Variants in GRID2 observed in about 807,000 individuals in gnomAD.
GRID2 encodes glutamate ionotropic receptor delta type subunit 2.
Under a neutral mutation model 114.8 loss-of-function variants are expected in GRID2, and 33 were observed. The ratio of observed to expected loss-of-function variants is 0.29; its 90% CI spans 0.22 to 0.38. GRID2 has a LOEUF of 0.38. Ranked by LOEUF, GRID2 falls within the 10% of genes least tolerant of loss-of-function variation. GRID2 has a pLI of 1.00. For synonymous variants in GRID2, 505 were observed against 449.9 expected (o/e 1.12, Z -1.55); for missense variants, 1,184 against 1,257.7 (o/e 0.94, Z 0.89).
At chr4:93,623,050 G>GT (rs1386706872) in intron 13 of GRID2, among the ~76,000 whole-genome samples, 4 of 152,036 alleles carry the variant, frequency 2.6e-5, no homozygotes, top group Admixed American at 1.3e-4. Flanking sequence ...CCTGTCTCAC[G>GT]TTTTTTGAAT....
At chr4:92,370,719 G>A (rs1729079105) in intron 1 of GRID2, among the ~76,000 whole-genome samples, 1 of 152,188 alleles carries the variant, frequency 6.6e-6, no homozygotes, top group South Asian at 2.1e-4. Context: ...TAGTGAGGAA[G>A]GCATATCAAA....
At chr4:92,667,411 A>C (rs1732841801) in intron 2 of GRID2, among the ~76,000 whole-genome samples, 2 of 151,652 alleles carry the variant, frequency 1.3e-5, no homozygotes, top group African/African-American at 4.8e-5. Context: ...CCCATAATAT[A>C]AAATTTAGAC....
chr4:92,918,486 G>A (rs1026754749), intron 2 of GRID2, among the ~76,000 whole-genome samples: 38 of 152,112 alleles, frequency 2.5e-4, no homozygotes, highest in African/African-American at 8.5e-4. Flanking sequence ...TTGGCTGTGG[G>A]TTTGTCATAG....
intron 1 of GRID2, among the ~76,000 whole-genome samples, chr4:92,470,311 G>A (rs1176177114): frequency 6.6e-6 from 1 of 151,538 alleles, no homozygotes; most frequent in African/African-American, 2.4e-5. Context: ...CTTCCAAAGG[G>A]CGTAAAACAT....
intron 1 of GRID2, among the ~76,000 whole-genome samples, chr4:92,500,230 A>G (rs917792185): frequency 6.6e-6 from 1 of 151,964 alleles, no homozygotes; most frequent in Non-Finnish European, 1.5e-5. Flanking sequence ...TGCCAATATC[A>G]GCATTGTTTT....
chr4:92,585,350 TTA>T (rs1386672730), intron 1 of GRID2, among the ~76,000 whole-genome samples: 3 of 152,038 alleles, frequency 2.0e-5, no homozygotes, highest in East Asian at 1.9e-4. Context: ...CATATATAAT[TTA>T]TATGTTAGTC....
At chr4:92,551,258 G>C (rs1415752820) in intron 1 of GRID2, among the ~76,000 whole-genome samples, 4 of 138,042 alleles carry the variant, frequency 2.9e-5, no homozygotes, top group Non-Finnish European at 6.4e-5. Context: ...CTACACCTGT[G>C]TGTGTGTGTG....
intron 2 of GRID2, among the ~76,000 whole-genome samples, chr4:92,743,839 T>C (rs1718886160): frequency 6.6e-6 from 1 of 152,190 alleles, no homozygotes; most frequent in Non-Finnish European, 1.5e-5. Flanking sequence ...TTTAAAAAAG[T>C]CTCAACGAAA....
At chr4:92,999,529 C>T (rs979826344) in intron 2 of GRID2, among the ~76,000 whole-genome samples, 1 of 151,568 alleles carries the variant, frequency 6.6e-6, no homozygotes. Context: ...GTTGCTATAT[C>T]TTATATTTTT....
intron 2 of GRID2, among the ~76,000 whole-genome samples, chr4:92,760,678 C>A (rs192714000): frequency 5.3e-5 from 8 of 152,312 alleles, no homozygotes; most frequent in African/African-American, 1.7e-4. Context: ...GCATTCACAT[C>A]TCTATACAGA....
At chr4:93,377,762 G>A (rs1763503068) in intron 8 of GRID2, among the ~76,000 whole-genome samples, 1 of 151,994 alleles carries the variant, frequency 6.6e-6, no homozygotes, top group Admixed American at 6.6e-5. Context: ...CTCTGGATTA[G>A]AGAACATCTC....
At chr4:92,488,602 G>A (rs1723003538) in intron 1 of GRID2, among the ~76,000 whole-genome samples, 1 of 152,130 alleles carries the variant, frequency 6.6e-6, no homozygotes, top group South Asian at 2.1e-4. Context: ...CACTGCTTCT[G>A]AGGTCAAAAT....
At chr4:92,974,575 A>G (rs1449426852) in intron 2 of GRID2, among the ~76,000 whole-genome samples, 1 of 152,114 alleles carries the variant, frequency 6.6e-6, no homozygotes, top group Non-Finnish European at 1.5e-5. Context: ...TTCTCAGCAA[A>G]CTATCACAAG....
intron 13 of GRID2, among the ~76,000 whole-genome samples, chr4:93,536,480 G>A (rs1045483522): frequency 2.0e-5 from 3 of 151,752 alleles, no homozygotes; most frequent in African/African-American, 7.2e-5. Flanking sequence ...AATAGTGTTA[G>A]GAGAACTGGA....
At chr4:92,390,482 G>T (rs1730187103) in intron 1 of GRID2, among the ~76,000 whole-genome samples, 1 of 152,132 alleles carries the variant, frequency 6.6e-6, no homozygotes, top group African/African-American at 2.4e-5. Flanking sequence ...TTTAGTTCTG[G>T]CCCTGACTGC....
intron 2 of GRID2, among the ~76,000 whole-genome samples, chr4:92,653,225 C>T (rs185282103): frequency 0.012 from 1,848 of 150,230 alleles, 37 homozygotes; most frequent in African/African-American, 0.042. Context: ...GTCTTGAACT[C>T]CTGATCTCGT....
chr4:92,391,874 T>A (rs937052369), intron 1 of GRID2, among the ~76,000 whole-genome samples: 22 of 152,164 alleles, frequency 1.4e-4, no homozygotes, highest in Non-Finnish European at 2.9e-5. Context: ...TTACAGTGTT[T>A]TCTTTGCTTT....
At position 92,993,363 on chromosome 4, in the gene GRID2, T is replaced by A. The variant is rs571884686; in HGVS notation, c.245-91632T>A. Among the ~76,000 whole-genome samples, 79 of 152,136 alleles carry A rather than the reference T, an allele frequency of 5.2e-4. 1 individual carries two copies. The Middle Eastern group carries it at 0.021, about 40-fold the overall frequency. ...AGTAAATTTACAGTATTCTCTTCCC[T>A]TACATTTGTGAACTTTATGTGTGCT... On this transcript the variant is annotated intron_variant, in intron 2 of 15. Transcript: ENST00000282020.
intron 2 of GRID2, among the ~76,000 whole-genome samples, chr4:92,943,118 C>T (rs1463395634): frequency 1.3e-5 from 2 of 152,068 alleles, no homozygotes; most frequent in South Asian, 4.1e-4. Flanking sequence ...TGTTGGCCTG[C>T]CTTGCTAGAT....
Sources: gnomAD v4.1 joint callset for allele counts (sites outside exome capture counted in the v4.1 genomes callset) on GRCh38, gnomAD v4.1.1 for gene constraint, MANE v1.5 for transcripts, NCBI Gene and HGNC (gene_info 2026-07-23, HGNC 2026-07-21) for gene names.